Variants in GPR180 observed in about 807,000 individuals in gnomAD.
GPR180 encodes integral membrane protein GPR180.
Under a neutral mutation model 52.6 loss-of-function variants are expected in GPR180, and 53 were observed. That is an observed-to-expected ratio of 1.01 (90% CI 0.81 to 1.27). GPR180 has a LOEUF of 1.27. Among genes scored for constraint, GPR180 ranks in the 50% most tolerant of loss-of-function variants. GPR180 has a pLI of 0.00. For missense variants in GPR180, 533 were observed against 527.0 expected (o/e 1.01, Z -0.11); for synonymous variants, 200 against 193.1 (o/e 1.04, Z -0.30).
Position 94,628,019 on chromosome 13 carries a change from A to G in GPR180, c.*848A>G, listed in dbSNP as rs1235820838. ...GAATCCCCAATCATAATTAAGCCGT[A>G]TACACAGATTAAATTAACAGAAGCA... On this transcript the variant is annotated 3_prime_UTR_variant, in exon 9 of 9. Coordinates refer to ENST00000376958, the MANE Select transcript of GPR180 (RefSeq NM_180989.6). 6.6e-6 allele frequency: 1 copy of G among 152,504 alleles called. No homozygotes were observed. The highest frequency in any genetic ancestry group is 1.5e-5 in the Non-Finnish European group (1 of 67,918). The allele number at this position is 152,504 out of a possible 1,614,324, so 9.4% of individuals were successfully genotyped here.
chr13:94,601,879 G>C lies in GPR180; in HGVS notation c.-49G>C, dbSNP rs2139561101. 1 of 1,339,216 alleles carries C rather than the reference G, an allele frequency of 7.5e-7. No homozygotes were observed. Among genetic ancestry groups the C allele is most frequent in the Non-Finnish European group, 9.6e-7 (1 of 1,044,682 alleles). The allele number at this position is 1,339,216 out of a possible 1,614,324, so 83.0% of individuals were successfully genotyped here. ...CCCAGCTGCCGACGTGGGGCGGGCAGCCGCCGGCGGCTGGGAGCCGAGGCG... is the reference window on the plus strand; with the variant it reads ...CCCAGCTGCCGACGTGGGGCGGGCACCCGCCGGCGGCTGGGAGCCGAGGCG... On this transcript the variant is annotated 5_prime_UTR_variant, in exon 1 of 9. Transcript: ENST00000376958.
intron 2 of GPR180, among the ~76,000 whole-genome samples, chr13:94,607,167 A>G (rs777671519): frequency 3.3e-5 from 5 of 151,162 alleles, no homozygotes; most frequent in Non-Finnish European, 7.4e-5. Context: ...CCCCTCATAC[A>G]TCAGTTAAGT....
chr13:94,609,823 G>A lies in GPR180; in HGVS notation c.305-2367G>A, dbSNP rs114656359. On this transcript the variant is annotated intron_variant, in intron 2 of 8. Coordinates refer to ENST00000376958, the MANE Select transcript of GPR180 (RefSeq NM_180989.6). Reference sequence around the variant, plus strand: ...AGCCAAAAAGCAATGCCATGGTGGTGGTAATCAGATCCTCTTGTTCAATTT... The same window carrying A: ...AGCCAAAAAGCAATGCCATGGTGGTAGTAATCAGATCCTCTTGTTCAATTT... Among the ~76,000 whole-genome samples, 550 of 151,580 alleles carry A rather than the reference G, an allele frequency of 3.6e-3. 3 individuals carry two copies. Among genetic ancestry groups the A allele is most frequent in the African/African-American group, 0.013 (528 of 41,376 alleles).
At chr13:94,605,619 A>G in intron 2 of GPR180, 70 bp downstream of exon 2, 1 of 1,216,460 alleles carries the variant, frequency 8.2e-7, no homozygotes, top group East Asian at 2.4e-5. Flanking sequence ...ATATAGTACC[A>G]TATGTACATA....
Position 94,617,596 on chromosome 13 carries a change from C to A in GPR180, c.506-1554C>A, listed in dbSNP as rs1173387535. ...GGAGAGACACCCAGTGGCAGAAATA[C>A]TTTTTGCTGCTTTTTTCCCCCTAAC... is the stretch of plus-strand genomic sequence containing the variant. On this transcript the variant is annotated intron_variant, in intron 3 of 8. Coordinates refer to ENST00000376958, the MANE Select transcript of GPR180 (RefSeq NM_180989.6). 2.0e-5 allele frequency among the ~76,000 whole-genome samples: 3 copies of A among 152,260 alleles called. No individual in the cohort carries two copies. The East Asian group carries it at 5.8e-4, about 29-fold the overall frequency.
In GPR180 at chr13:94,612,256, T is replaced by G; in HGVS notation, c.371T>G (p.Val124Gly). The change falls in exon 3 of 9, where the codon GTG (valine) becomes GGG (glycine). Residue 124 changes from valine to glycine, a missense_variant. Coordinates refer to ENST00000376958, the MANE Select transcript of GPR180 (RefSeq NM_180989.6). ...SQIPSPQTWH[V>G]FYADKYTCQD... The stretch of plus-strand genomic sequence containing the variant: ...ATTCCGTCTCCACAAACGTGGCATG[T>G]GTTTTATGCAGACAAGTATACATGC... 1 of 1,614,084 alleles carries G rather than the reference T, an allele frequency of 6.2e-7. No individual in the cohort carries two copies. The highest frequency in any genetic ancestry group is 8.5e-7 in the Non-Finnish European group (1 of 1,179,926).
At chr13:94,625,917 G>A in intron 7 of GPR180, 49 bp from the exon 8 acceptor site, 2 of 1,452,296 alleles carry the variant, frequency 1.4e-6, no homozygotes, top group South Asian at 1.2e-5. Flanking sequence ...GGTACATGCT[G>A]AAAAAAAGCT....
intron 2 of GPR180, among the ~76,000 whole-genome samples, chr13:94,607,780 T>C (rs1028908909): frequency 2.0e-5 from 3 of 152,174 alleles, no homozygotes; most frequent in Admixed American, 1.3e-4. Flanking sequence ...TGTGAATAAA[T>C]GTAAAATTGC....
At chr13:94,622,503 C>A (rs563348743) in intron 6 of GPR180, among the ~76,000 whole-genome samples, 1 of 152,122 alleles carries the variant, frequency 6.6e-6, no homozygotes, top group East Asian at 1.9e-4. Flanking sequence ...CAAATACATA[C>A]GTATTTTATA....
chr13:94,618,420 A>ATTTTTT (rs570807308), intron 3 of GPR180, among the ~76,000 whole-genome samples: 894 of 87,076 alleles, frequency 0.01, 147 homozygotes, highest in African/African-American at 0.036. Flanking sequence ...TCAGCACAGG[A>ATTTTTT]TTTTTTTTTT....
At position 94,601,860 on chromosome 13, in the gene GPR180, T is replaced by TGCCGACGTGGGGCGGGCA. The variant is rs998877094; in HGVS notation, c.-63_-46dup. ...CGGCGCCCACCCCGCCTCCCCCAGC[T>TGCCGACGTGGGGCGGGCA]GCCGACGTGGGGCGGGCAGCCGCCG... On this transcript the variant is annotated 5_prime_UTR_variant, in exon 1 of 9. Coordinates refer to ENST00000376958, the MANE Select transcript of GPR180 (RefSeq NM_180989.6). The TGCCGACGTGGGGCGGGCA allele has an allele frequency of 4.6e-6, 6 of 1,317,896 alleles. No homozygotes were observed. The African/African-American group carries it at 7.7e-5, about 17-fold the overall frequency. 81.6% of individuals were successfully genotyped at this position (1,317,896 alleles called of 1,614,324 possible). A position where few individuals can be genotyped will look rare whatever the true frequency, so the allele number is the denominator to read the frequency against.
At position 94,622,038 on chromosome 13, in the gene GPR180, T is replaced by G. The variant is rs541825138; in HGVS notation, c.894+803T>G. ...ATGTATTAATGAAGGATGGGGTCAGTGCTTTATTCATCTTTCTATCCCTAG... is the reference window on the plus strand; with the variant it reads ...ATGTATTAATGAAGGATGGGGTCAGGGCTTTATTCATCTTTCTATCCCTAG... On this transcript the variant is annotated intron_variant, in intron 6 of 8. Coordinates refer to ENST00000376958, the MANE Select transcript of GPR180 (RefSeq NM_180989.6). Among the ~76,000 whole-genome samples the G allele has an allele frequency of 2.6e-5, 4 of 152,320 alleles. No homozygotes were observed. In the South Asian group the frequency reaches 8.3e-4, roughly 32 times the overall value.
chr13:94,604,418 G>A (rs1594470024), intron 1 of GPR180, among the ~76,000 whole-genome samples: 3 of 151,818 alleles, frequency 2.0e-5, no homozygotes, highest in African/African-American at 7.2e-5. Flanking sequence ...AAATTAGCTG[G>A]ATGTGGTGAT....
chr13:94,605,113 T>G (rs1889612435), intron 1 of GPR180, among the ~76,000 whole-genome samples: 1 of 152,182 alleles, frequency 6.6e-6, no homozygotes, highest in African/African-American at 2.4e-5. Context: ...GGCAAAAATT[T>G]TAATACAGTG....
At chr13:94,602,325 G>C (rs1036170531) in intron 1 of GPR180, among the ~76,000 whole-genome samples, 1 of 152,328 alleles carries the variant, frequency 6.6e-6, no homozygotes, top group Non-Finnish European at 1.5e-5. Flanking sequence ...GCACCTGAAA[G>C]CTGGTTTCCA....
chr13:94,621,756 G>C (rs1031871168), intron 6 of GPR180, among the ~76,000 whole-genome samples: 3 of 151,944 alleles, frequency 2.0e-5, no homozygotes, highest in African/African-American at 7.2e-5. Flanking sequence ...GAAAGCAAAT[G>C]TAAAAACAAA....
intron 5 of GPR180, among the ~76,000 whole-genome samples, chr13:94,620,269 A>G (rs1889834898): frequency 6.6e-6 from 1 of 152,182 alleles, no homozygotes; most frequent in African/African-American, 2.4e-5. Context: ...TCTATTTCTG[A>G]CCCAAAGCCT....
intron 5 of GPR180, 62 bp from the exon 6 acceptor site, chr13:94,621,016 A>G (rs1359968951): frequency 3.4e-6 from 5 of 1,478,844 alleles, no homozygotes; most frequent in Non-Finnish European, 4.5e-6. Context: ...TCTCAATGCA[A>G]AAAGCACTAA....
chr13:94,620,588 A>G (rs886568364), intron 5 of GPR180, among the ~76,000 whole-genome samples: 1 of 152,212 alleles, frequency 6.6e-6, no homozygotes, highest in Non-Finnish European at 1.5e-5. Context: ...TATGCATTTC[A>G]TTGTATTGTT....
Sources: gnomAD v4.1 joint callset for allele counts (sites outside exome capture counted in the v4.1 genomes callset) on GRCh38, gnomAD v4.1.1 for gene constraint, MANE v1.5 for transcripts, NCBI Gene and HGNC (gene_info 2026-07-23, HGNC 2026-07-21) for gene names.